TNIP3: variants seen among roughly 807,000 people sequenced by gnomAD.
The protein encoded by TNIP3 is TNFAIP3 interacting protein 3, also known as TNFAIP3-interacting protein 3.
Under a neutral mutation model 54.1 loss-of-function variants are expected in TNIP3, and 34 were observed. The ratio of observed to expected loss-of-function variants is 0.63; its 90% confidence interval spans 0.48 to 0.84. The LOEUF (loss-of-function observed/expected upper bound fraction) is 0.84, where lower values mean the gene tolerates loss of function less well. TNIP3 is among the 40% of genes least tolerant of loss of function. The pLI is 0.00. For missense variants in TNIP3, 366 were observed against 387.6 expected (o/e 0.94, Z 0.47); for synonymous variants, 134 against 136.8 (o/e 0.98, Z 0.14).
chr4:121,157,873 AT>A (rs1730211721), intron 3 of TNIP3, among the ~76,000 whole-genome samples: 1 of 152,316 alleles, frequency 6.6e-6, no homozygotes, highest in Admixed American at 6.5e-5. Flanking sequence ...TGGGATCATC[AT>A]CTTTAACATT....
At chr4:121,184,827 CA>C (rs946563056) in intron 2 of TNIP3, among the ~76,000 whole-genome samples, 2 of 152,148 alleles carry the variant, frequency 1.3e-5, no homozygotes, top group African/African-American at 2.4e-5. Context: ...CTTCATGGTG[CA>C]AAAGGTTGCA....
In TNIP3 at chr4:121,191,743, A is replaced by C. The variant is rs569790886; in HGVS notation, c.69-8947T>G. 3.3e-5 allele frequency among the ~76,000 whole-genome samples: 5 copies of C among 152,320 alleles called. No homozygotes were observed. The South Asian group carries it at 8.3e-4, about 25-fold the overall frequency. On this transcript the variant is annotated intron_variant, in intron 2 of 12. Coordinates refer to the TNIP3 transcript ENST00000507879. ...TTGTTATTTATTAACTATGTATTTA[A>C]GTAAAGATTATTATCATATGACAAA...
chr4:121,133,931 C>T (rs1728627027), intron 10 of TNIP3, among the ~76,000 whole-genome samples: 1 of 151,846 alleles, frequency 6.6e-6, no homozygotes, highest in South Asian at 2.1e-4. Context: ...AGTCTCCTCC[C>T]CAGAGGATTT....
At position 121,131,601 on chromosome 4, in the gene TNIP3, CT is replaced by C. The variant is rs1227023079; in HGVS notation, c.*1029del. 0.01 allele frequency: 1,210 copies of C among 120,142 alleles called. 7 individuals are homozygous for C. The highest frequency in any genetic ancestry group is 0.032 in the African/African-American group (944 of 29,896). 7.4% of individuals were successfully genotyped at this position (120,142 alleles called of 1,614,324 possible). A position where few individuals can be genotyped will look rare whatever the true frequency, so the allele number is the denominator to read the frequency against. On this transcript the variant is annotated 3_prime_UTR_variant, in exon 11 of 11. Transcript: ENST00000057513. Reference sequence around the variant, plus strand: ...ATCATCCCATCAGGACTTTGTCTTCCTTTTTTTTTTTTTTTTTTTTTTGGTG... The same window carrying C: ...ATCATCCCATCAGGACTTTGTCTTCCTTTTTTTTTTTTTTTTTTTTTGGTG...
At chr4:121,178,999 C>T (rs1724528236) in intron 3 of TNIP3, among the ~76,000 whole-genome samples, 1 of 152,090 alleles carries the variant, frequency 6.6e-6, no homozygotes, top group African/African-American at 2.4e-5. Context: ...AGGGAGGGGG[C>T]TGAGTAACGC....
chr4:121,186,535 G>A (rs754284792), intron 2 of TNIP3, among the ~76,000 whole-genome samples: 11 of 152,212 alleles, frequency 7.2e-5, no homozygotes, highest in Non-Finnish European at 1.5e-4. Context: ...GGGACCTAGT[G>A]TAAGTCCTTT....
chr4:121,150,888 G>A (rs571231695), intron 5 of TNIP3, among the ~76,000 whole-genome samples: 6 of 152,294 alleles, frequency 3.9e-5, no homozygotes, highest in African/African-American at 1.2e-4. Context: ...ACTCACTACC[G>A]AGTGGAGAGA....
upstream of TNIP3, among the ~76,000 whole-genome samples, chr4:121,219,954 T>G (rs1350916254): frequency 2.0e-5 from 3 of 152,162 alleles, no homozygotes; most frequent in East Asian, 5.8e-4. Flanking sequence ...ACATTAAATG[T>G]TAACCAGGTT....
At chr4:121,223,183 A>C (rs1358008072) in intron 1 of TNIP3, among the ~76,000 whole-genome samples, 2 of 152,202 alleles carry the variant, frequency 1.3e-5, no homozygotes, top group African/African-American at 4.8e-5. Flanking sequence ...CAGGTGTGCC[A>C]GCCTTGGCCC....
intron 10 of TNIP3, among the ~76,000 whole-genome samples, chr4:121,133,414 CTGTGGTCACT>C (rs1469027644): frequency 6.6e-6 from 1 of 152,108 alleles, no homozygotes; most frequent in Non-Finnish European, 1.5e-5. Context: ...TTGCTGAGGA[CTGTGGTCACT>C]ATGTTAAAAA....
At chr4:121,182,908 C>G in intron 2 of TNIP3, 1 of 1,042,024 alleles carries the variant, frequency 9.6e-7, no homozygotes, top group Non-Finnish European at 1.4e-6. Flanking sequence ...TGATACTTCT[C>G]TACGATCTCC....
intron 2 of TNIP3, among the ~76,000 whole-genome samples, chr4:121,186,507 A>G (rs1414484898): frequency 6.6e-6 from 1 of 152,236 alleles, no homozygotes; most frequent in Non-Finnish European, 1.5e-5. Context: ...ACATGCTTTT[A>G]GAGTTGAACA....
chr4:121,207,234 C>T (rs1477379857), intron 2 of TNIP3, among the ~76,000 whole-genome samples: 1 of 151,996 alleles, frequency 6.6e-6, no homozygotes, highest in Non-Finnish European at 1.5e-5. Flanking sequence ...GAAAAAAAGC[C>T]TCAAGATCAG....
At chr4:121,162,392 G>A (rs1468342288) in intron 1 of TNIP3, among the ~76,000 whole-genome samples, 1 of 152,142 alleles carries the variant, frequency 6.6e-6, no homozygotes, top group Non-Finnish European at 1.5e-5. Context: ...TCTTCTGTGG[G>A]TCAATAAATT....
At chr4:121,222,804 G>GTTTTTTTTTTTT (rs138758827) in intron 1 of TNIP3, among the ~76,000 whole-genome samples, 2 of 105,764 alleles carry the variant, frequency 1.9e-5, no homozygotes, top group South Asian at 3.5e-4. Flanking sequence ...TTTTTTGTGC[G>GTTTTTTTTTTTT]TTTTTTTTTT....
chr4:121,203,719 T>C (rs988878255), intron 2 of TNIP3, among the ~76,000 whole-genome samples: 15 of 152,052 alleles, frequency 9.9e-5, no homozygotes, highest in Non-Finnish European at 2.9e-5. Flanking sequence ...TATTTTTTAA[T>C]GGATATTTTA....
chr4:121,206,427 AT>A (rs1385036296), intron 2 of TNIP3, among the ~76,000 whole-genome samples: 17 of 152,226 alleles, frequency 1.1e-4, no homozygotes, highest in African/African-American at 4.1e-4. Context: ...TTCCTTAAAA[AT>A]AATCTGTAAA....
intron 7 of TNIP3, among the ~76,000 whole-genome samples, chr4:121,146,290 T>C (rs932563512): frequency 2.0e-5 from 3 of 152,228 alleles, no homozygotes; most frequent in African/African-American, 7.2e-5. Flanking sequence ...GTTTTAAATT[T>C]TTTTATGACG....
intron 2 of TNIP3, 82 bp downstream of exon 2, chr4:121,161,054 A>C (rs1358722721): frequency 8.8e-6 from 10 of 1,134,382 alleles, no homozygotes; most frequent in African/African-American, 1.6e-5. Flanking sequence ...TAACAAAAAT[A>C]AAAGGCACAA....
Sources: allele counts gnomAD v4.1 joint callset (sites outside exome capture counted in the v4.1 genomes callset), GRCh38; gene constraint gnomAD v4.1.1; transcripts MANE v1.5; gene names NCBI Gene and HGNC (gene_info 2026-07-23, HGNC 2026-07-21).